SLC4A10: variants seen among roughly 807,000 people sequenced by gnomAD.
SLC4A10 encodes the protein solute carrier family 4 member 10.
In SLC4A10, 42 loss-of-function variants were observed where a neutral mutation model predicts 137.7. The ratio of observed to expected loss-of-function variants is 0.30; its 90% CI spans 0.24 to 0.39. The LOEUF (loss-of-function observed/expected upper bound fraction) is 0.39, where lower values mean the gene tolerates loss of function less well. Ranked by LOEUF, SLC4A10 falls within the 10% of genes least tolerant of loss-of-function variation. The probability of loss-of-function intolerance (pLI) is 1.00; values close to 1 mark genes in which losing one functional copy is unlikely to be tolerated. For missense variants in SLC4A10, 925 were observed against 1,355.0 expected (o/e 0.68, Z 4.98); for synonymous variants, 474 against 464.1 (o/e 1.02, Z -0.27).
intron 1 of SLC4A10, among the ~76,000 whole-genome samples, chr2:161,725,211 A>G (rs1398131737): frequency 6.6e-6 from 1 of 152,134 alleles, no homozygotes; most frequent in African/African-American, 2.4e-5. Context: ...TAGATTTTAC[A>G]TTTAACTAAT....
chr2:161,760,388 A>G (rs139951946), intron 1 of SLC4A10, among the ~76,000 whole-genome samples: 1,649 of 152,146 alleles, frequency 0.011, 23 homozygotes, highest in South Asian at 0.029. Flanking sequence ...ACATATATAC[A>G]TATAATTTCT....
rs565292843 is a variant in SLC4A10, at chr2:161,646,176, T to C, written c.48+21610T>C. On this transcript the variant is annotated intron_variant, in intron 1 of 26. Coordinates refer to ENST00000446997, the MANE Select transcript of SLC4A10 (RefSeq NM_001178015.2). ...TTTGTAATGCAGCTAAGCAGATAAATTGATTAAGTTTCCATAGGGTCAGAT... is the reference window on the plus strand; with the variant it reads ...TTTGTAATGCAGCTAAGCAGATAAACTGATTAAGTTTCCATAGGGTCAGAT... 7.9e-5 allele frequency among the ~76,000 whole-genome samples: 12 copies of C among 152,144 alleles called. No individual in the cohort carries two copies. In the South Asian group the frequency reaches 1.0e-3, roughly 13 times the overall value.
At chr2:161,964,958 T>G in intron 22 of SLC4A10, 93 bp from the exon 23 acceptor site, 1 of 1,153,046 alleles carries the variant, frequency 8.7e-7, no homozygotes, top group Non-Finnish European at 1.2e-6. Flanking sequence ...TCAGGCCTAA[T>G]AGAAATTGTT....
chr2:161,927,906 A>G (rs1689481882), intron 15 of SLC4A10, among the ~76,000 whole-genome samples: 2 of 152,004 alleles, frequency 1.3e-5, no homozygotes, highest in African/African-American at 4.8e-5. Flanking sequence ...AAATAGAAAC[A>G]CTTTTACACT....
intron 23 of SLC4A10, among the ~76,000 whole-genome samples, chr2:161,971,459 C>G (rs1478509634): frequency 6.6e-6 from 1 of 152,176 alleles, no homozygotes. Context: ...AACATCTTCC[C>G]CATGTTGTAG....
chr2:161,624,760 C>A (rs570157570), intron 1 of SLC4A10, among the ~76,000 whole-genome samples, 194 bp downstream of exon 1: 10 of 151,960 alleles, frequency 6.6e-5, no homozygotes, highest in East Asian at 1.9e-4. Flanking sequence ...CCTCCCCCCC[C>A]CTTCTCAATA....
intron 10 of SLC4A10, 113 bp from the exon 11 acceptor site, chr2:161,894,566 A>G (rs2063253823): frequency 2.2e-6 from 1 of 464,140 alleles, no homozygotes. Context: ...AGAGCTGTCT[A>G]TTTCTTCAAA....
chr2:161,632,343 T>C (rs1189251203), intron 1 of SLC4A10, among the ~76,000 whole-genome samples: 1 of 151,522 alleles, frequency 6.6e-6, no homozygotes. Flanking sequence ...ATATTTAAGG[T>C]TTTCTGGGAA....
At chr2:161,877,411 G>T (rs970143051) in intron 8 of SLC4A10, among the ~76,000 whole-genome samples, 5 of 151,984 alleles carry the variant, frequency 3.3e-5, no homozygotes, top group African/African-American at 1.2e-4. Flanking sequence ...TAACAGAAAG[G>T]ATTATGAGAT....
intron 21 of SLC4A10, among the ~76,000 whole-genome samples, chr2:161,961,692 T>G (rs889033644): frequency 2.0e-5 from 3 of 152,130 alleles, no homozygotes; most frequent in Admixed American, 6.5e-5. Context: ...GATGATAGGT[T>G]TCAACAGATT....
chr2:161,952,548 G>T (rs940871013), intron 19 of SLC4A10, among the ~76,000 whole-genome samples: 1 of 152,122 alleles, frequency 6.6e-6, no homozygotes, highest in Non-Finnish European at 1.5e-5. Flanking sequence ...TGATTATGTA[G>T]TCAAAAGTTG....
At chr2:161,932,720 T>C (rs1488668985) in intron 15 of SLC4A10, among the ~76,000 whole-genome samples, 5 of 152,176 alleles carry the variant, frequency 3.3e-5, no homozygotes, top group Non-Finnish European at 7.3e-5. Flanking sequence ...AAATGTAAAG[T>C]ATAGGATCTT....
At chr2:161,815,334 A>C (rs2056945902) in intron 3 of SLC4A10, among the ~76,000 whole-genome samples, 1 of 152,000 alleles carries the variant, frequency 6.6e-6, no homozygotes, top group Non-Finnish European at 1.5e-5. Flanking sequence ...TTCTCATGAG[A>C]TCTGAAGGAT....
chr2:161,650,699 C>A (rs777274943), intron 1 of SLC4A10, among the ~76,000 whole-genome samples: 32 of 152,298 alleles, frequency 2.1e-4, no homozygotes, highest in Non-Finnish European at 4.6e-4. Context: ...GCGGTTGCAA[C>A]CTGGCTGGGT....
rs1553631288 is a variant in SLC4A10, at chr2:161,933,142, TTC to T, written c.1998-9648_1998-9647del. On this transcript the variant is annotated intron_variant, in intron 15 of 26. Transcript: ENST00000446997. Reference sequence around the variant, plus strand: ...TCTTTCCTGCCTGTTTTTCTTTCTTTTCTTCTTTCTTTCCTCTTTCTTTCTCT... The same window carrying T: ...TCTTTCCTGCCTGTTTTTCTTTCTTTTTCTTTCTTTCCTCTTTCTTTCTCT... 1.7e-3 allele frequency among the ~76,000 whole-genome samples: 37 copies of T among 21,660 alleles called. 1 individual carries two copies. The highest frequency in any genetic ancestry group is 0.01 in the South Asian group (8 of 792). The allele number at this position is 21,660 out of a possible 152,430, so 14.2% of individuals were successfully genotyped here.
chr2:161,843,847 A>T (rs1299892437), intron 4 of SLC4A10, among the ~76,000 whole-genome samples: 1 of 152,166 alleles, frequency 6.6e-6, no homozygotes, highest in Non-Finnish European at 1.5e-5. Context: ...CCTGTCACGT[A>T]TCACATCTTG....
At chr2:161,820,383 A>G (rs948265146) in intron 3 of SLC4A10, among the ~76,000 whole-genome samples, 6 of 152,230 alleles carry the variant, frequency 3.9e-5, no homozygotes, top group South Asian at 2.1e-4. Flanking sequence ...ATAAAACCCA[A>G]TGAATTATCA....
intron 1 of SLC4A10, among the ~76,000 whole-genome samples, chr2:161,767,190 G>A: frequency 9.0e-6 from 1 of 111,586 alleles, no homozygotes. Flanking sequence ...GTGTGTGTGT[G>A]TGTGTGTGTG....
rs2060513635 is a variant in SLC4A10 at position 161,862,920 on chromosome 2, T to G, written c.624T>G (p.Asp208Glu). ...QQVSSGQLNE[D>E]VRHRVHEALM... ...TGAGCTCAGGTCAGCTGAATGAAGA[T>G]GTACGCCATAGGGTCCATGAGGCAT... is the stretch of plus-strand genomic sequence containing the variant. Residue 208 changes from aspartate to glutamate, a missense_variant, in exon 6 of 27, where the codon GAT becomes GAG. By Grantham distance (45) the Asp-to-Glu change is conservative. This residue lies in a region of SLC4A10 where 277 missense variants were observed against 306.1 expected (regional missense o/e 0.90). Transcript: ENST00000446997. 6.2e-7 allele frequency: 1 copy of G among 1,612,090 alleles called. No individual in the cohort carries two copies.
Sources: gnomAD v4.1 joint callset for allele counts (sites outside exome capture counted in the v4.1 genomes callset) on GRCh38, gnomAD v4.1.1 for gene constraint, gnomAD v4.1.1 regional missense constraint, MANE v1.5 for transcripts, NCBI Gene and HGNC (gene_info 2026-07-23, HGNC 2026-07-21) for gene names.